ANKS1B: variants seen among roughly 807,000 people sequenced by gnomAD.
ANKS1B encodes the protein ankyrin repeat and sterile alpha motif domain containing 1B.
In ANKS1B, 36 loss-of-function variants were observed where a neutral mutation model predicts 148.3. The ratio of observed to expected loss-of-function variants is 0.24; its 90% confidence interval spans 0.19 to 0.32. The LOEUF (loss-of-function observed/expected upper bound fraction) is 0.32. Among genes scored for constraint, ANKS1B ranks in the 10% least tolerant of loss-of-function variants. The pLI is 1.00. For synonymous variants in ANKS1B, 542 were observed against 560.8 expected (o/e 0.97, Z 0.47); for missense variants, 1,157 against 1,542.6 (o/e 0.75, Z 4.19).
chr12:99,834,305 C>CA (rs2084479571), intron 1 of ANKS1B, among the ~76,000 whole-genome samples: 1 of 151,802 alleles, frequency 6.6e-6, no homozygotes, highest in African/African-American at 2.4e-5. Flanking sequence ...ATATTTATTC[C>CA]AAAAAAAGCA....
At chr12:98,859,669 AATAG>A (rs1448777436) in intron 17 of ANKS1B, among the ~76,000 whole-genome samples, 1 of 152,274 alleles carries the variant, frequency 6.6e-6, no homozygotes, top group African/African-American at 2.4e-5. Flanking sequence ...ATGAAAATCA[AATAG>A]ATAATATATG....
In ANKS1B at chr12:98,898,116, C is replaced by T. The variant is rs147492600; in HGVS notation, c.2779-65980G>A. 2.0e-3 allele frequency among the ~76,000 whole-genome samples: 301 copies of T among 152,210 alleles called. 1 individual carries two copies. Among genetic ancestry groups the T allele is most frequent in the Non-Finnish European group, 3.5e-3 (237 of 67,996 alleles). ...TTACCTATTAGGTATAATGTCCACT[C>T]TTTGGGGGATGAGTACACTAGAAAC... On this transcript the variant is annotated intron_variant, in intron 17 of 26. Transcript: ENST00000683438.
At chr12:99,678,573 T>C (rs1414744983) in intron 8 of ANKS1B, among the ~76,000 whole-genome samples, 1 of 152,140 alleles carries the variant, frequency 6.6e-6, no homozygotes, top group Non-Finnish European at 1.5e-5. Flanking sequence ...AAGTGTCCCT[T>C]TACACTGTAG....
intron 12 of ANKS1B, among the ~76,000 whole-genome samples, chr12:99,272,770 C>T (rs2077189756): frequency 6.6e-6 from 1 of 152,160 alleles, no homozygotes; most frequent in South Asian, 2.1e-4. Context: ...TCCCTTTCTT[C>T]TCTAGACCAT....
intron 12 of ANKS1B, among the ~76,000 whole-genome samples, chr12:99,283,075 A>G (rs2078684483): frequency 6.6e-6 from 1 of 152,188 alleles, no homozygotes; most frequent in South Asian, 2.1e-4. Context: ...GTCAGAAGAG[A>G]TGTTTAGAAT....
chr12:98,913,756 T>C (rs993467983), intron 17 of ANKS1B, among the ~76,000 whole-genome samples: 5 of 152,084 alleles, frequency 3.3e-5, no homozygotes, highest in African/African-American at 1.2e-4. Flanking sequence ...GCCTCCCGAG[T>C]AGCTACGATG....
intron 11 of ANKS1B, among the ~76,000 whole-genome samples, chr12:99,417,315 C>T (rs899797530): frequency 3.9e-5 from 6 of 152,256 alleles, no homozygotes; most frequent in Non-Finnish European, 7.3e-5. Flanking sequence ...CTTCCCTCCA[C>T]TGAACTGCTT....
intron 17 of ANKS1B, among the ~76,000 whole-genome samples, chr12:98,952,560 CCTT>C (rs916366153): frequency 6.6e-6 from 1 of 152,172 alleles, no homozygotes; most frequent in African/African-American, 2.4e-5. Flanking sequence ...CTGTCTGTGA[CCTT>C]CTCCAGTATC....
intron 4 of ANKS1B, among the ~76,000 whole-genome samples, chr12:99,806,110 G>A (rs371312553): frequency 9.9e-5 from 15 of 152,238 alleles, no homozygotes; most frequent in East Asian, 5.8e-4. Flanking sequence ...CTGTATGTTA[G>A]GCTGTGTGCT....
rs12424465 is a variant in ANKS1B at position 99,453,215 on chromosome 12, G to A, written c.1439-9406C>T. ...TGAGCCAGGAGAATGGTGTGAACCC[G>A]GGAAGCAGAGCTTGGAGTGAGCCGA... On this transcript the variant is annotated intron_variant, in intron 10 of 26. Transcript: ENST00000683438. 5.9e-4 allele frequency among the ~76,000 whole-genome samples: 89 copies of A among 152,090 alleles called. 1 individual carries two copies. Among genetic ancestry groups the A allele is most frequent in the Non-Finnish European group, 6.8e-4 (46 of 68,018 alleles).
chr12:98,837,930 T>C (rs2099384535), intron 17 of ANKS1B, among the ~76,000 whole-genome samples: 1 of 152,150 alleles, frequency 6.6e-6, no homozygotes, highest in Admixed American at 6.5e-5. Context: ...CTTTATAAAA[T>C]ACAGAAAAAC....
intron 1 of ANKS1B, among the ~76,000 whole-genome samples, chr12:99,866,939 G>A (rs948792550): frequency 2.6e-5 from 4 of 152,024 alleles, no homozygotes; most frequent in African/African-American, 9.7e-5. Context: ...ATTGCAAGGG[G>A]TTCAGGGAAA....
intron 14 of ANKS1B, among the ~76,000 whole-genome samples, chr12:99,164,153 T>A (rs7969339): frequency 7.9e-5 from 12 of 152,136 alleles, no homozygotes; most frequent in African/African-American, 2.7e-4. Context: ...CTTTACATAG[T>A]CTAGATACTA....
chr12:98,816,190 T>C (rs1336478960), intron 19 of ANKS1B, among the ~76,000 whole-genome samples: 1 of 152,216 alleles, frequency 6.6e-6, no homozygotes, highest in Admixed American at 6.5e-5. Flanking sequence ...AGTTCTATTC[T>C]AATGTCACTT....
intron 9 of ANKS1B, among the ~76,000 whole-genome samples, chr12:99,559,156 G>A (rs183213025): frequency 2.0e-5 from 3 of 152,100 alleles, no homozygotes; most frequent in Admixed American, 2.0e-4. Flanking sequence ...GATCTGCTTA[G>A]AGTGTACCAG....
intron 9 of ANKS1B, chr12:99,647,992 G>C (rs1409169274): frequency 1.3e-6 from 1 of 748,860 alleles, no homozygotes; most frequent in Non-Finnish European, 2.1e-6. Flanking sequence ...CTCTGGCATT[G>C]AGCGGTTGGT....
chr12:99,007,106 G>T (rs1378148963), intron 17 of ANKS1B, among the ~76,000 whole-genome samples: 11 of 152,112 alleles, frequency 7.2e-5, no homozygotes, highest in East Asian at 1.9e-4. Flanking sequence ...TGCTGTTATT[G>T]TTGTTCTCCA....
chr12:98,990,625 C>T (rs146794236), intron 17 of ANKS1B, among the ~76,000 whole-genome samples: 18 of 150,980 alleles, frequency 1.2e-4, no homozygotes, highest in African/African-American at 3.6e-4. Flanking sequence ...AATATTACTT[C>T]CAATAAGGGA....
chr12:99,768,917 C>T (rs971580738), intron 8 of ANKS1B, among the ~76,000 whole-genome samples: 3 of 151,800 alleles, frequency 2.0e-5, no homozygotes, highest in Non-Finnish European at 2.9e-5. Context: ...GAAGACAGCC[C>T]TCTGCAAACC....
Sources: allele counts gnomAD v4.1 joint callset (sites outside exome capture counted in the v4.1 genomes callset), GRCh38; gene constraint gnomAD v4.1.1; transcripts MANE v1.5; gene names NCBI Gene and HGNC (gene_info 2026-07-23, HGNC 2026-07-21).